BAZ1A: variants seen among roughly 807,000 people sequenced by gnomAD.
BAZ1A encodes bromodomain adjacent to zinc finger domain 1A.
A neutral mutation model predicts 185.2 loss-of-function variants in BAZ1A; 50 were observed. That is an observed-to-expected ratio of 0.27 (90% confidence interval 0.22 to 0.34). The LOEUF is 0.34. Among genes scored for constraint, BAZ1A ranks in the 10% least tolerant of loss-of-function variants. The pLI is 1.00. For missense variants in BAZ1A, 1,356 were observed against 1,839.9 expected, an observed-to-expected ratio of 0.74 and a Z score of 4.81; for synonymous variants, 571 against 615.6, an observed-to-expected ratio of 0.93 and a Z score of 1.07.
intron 20 of BAZ1A, 43 bp downstream of exon 20, chr14:34,773,529 G>A: frequency 2.2e-6 from 3 of 1,338,700 alleles, no homozygotes; most frequent in East Asian, 2.5e-5. Flanking sequence ...ACCTTAAAAT[G>A]GCAAGGAAAA....
At chr14:34,791,984 T>A (rs1223947267) in intron 12 of BAZ1A, among the ~76,000 whole-genome samples, 1 of 152,258 alleles carries the variant, frequency 6.6e-6, no homozygotes, top group African/African-American at 2.4e-5. Context: ...GCAAATTATC[T>A]AGTTCAAACT....
At chr14:34,873,209 A>C (rs1246940690) in intron 2 of BAZ1A, among the ~76,000 whole-genome samples, 3 of 152,232 alleles carry the variant, frequency 2.0e-5, no homozygotes, top group Non-Finnish European at 4.4e-5. Context: ...GTTTGCCCAA[A>C]ACCCTCCCTT....
Position 34,753,719 on chromosome 14 carries a change from A to G in BAZ1A, c.4475-15T>C, listed in dbSNP as rs1365833597. On this transcript the variant is annotated splice_polypyrimidine_tract_variant and intron_variant, in intron 26 of 26. Coordinates refer to ENST00000360310, the MANE Select transcript of BAZ1A (RefSeq NM_013448.3). ...AATAAACTCAGCTAGAAAGGGAAAG[A>G]GACAAAAAGATTAGAATGAAAGTAC... 1.3e-6 allele frequency: 2 copies of G among 1,538,144 alleles called. No individual in the cohort carries two copies. Among genetic ancestry groups the G allele is most frequent in the African/African-American group, 1.4e-5 (1 of 72,584 alleles).
In BAZ1A at chr14:34,753,183, ATC is replaced by A. The variant is rs771706929; in HGVS notation, c.*323_*324del. 7.3e-4 allele frequency: 152 copies of A among 208,348 alleles called. 1 individual carries two copies. Among genetic ancestry groups the A allele is most frequent in the African/African-American group, 3.8e-3 (138 of 36,098 alleles). The allele number at this position is 208,348 out of a possible 1,614,324, so 12.9% of individuals were successfully genotyped here. ...CTTAATACCACCACTTTAAAAAAAAATCATCAATAACAAAATAAATCGTGGGT... is the reference window on the plus strand; with the variant it reads ...CTTAATACCACCACTTTAAAAAAAAAATCAATAACAAAATAAATCGTGGGT... On this transcript the variant is annotated 3_prime_UTR_variant, in exon 27 of 27. Coordinates refer to ENST00000360310, the MANE Select transcript of BAZ1A (RefSeq NM_013448.3).
At chr14:34,835,050 G>A (rs1483417739) in intron 3 of BAZ1A, among the ~76,000 whole-genome samples, 5 of 150,276 alleles carry the variant, frequency 3.3e-5, no homozygotes, top group Non-Finnish European at 7.4e-5. Context: ...ATGAAATTCC[G>A]GCTCAGATTT....
chr14:34,839,373 C>A (rs997979429), intron 3 of BAZ1A, among the ~76,000 whole-genome samples: 1 of 151,026 alleles, frequency 6.6e-6, no homozygotes, highest in African/African-American at 2.4e-5. Flanking sequence ...AACTCTATGT[C>A]TACAAAAAAT....
At chr14:34,840,801 AACTTAT>A (rs1216636897) in intron 3 of BAZ1A, among the ~76,000 whole-genome samples, 3 of 149,940 alleles carry the variant, frequency 2.0e-5, no homozygotes, top group Non-Finnish European at 4.5e-5. Context: ...ACAAACAAAA[AACTTAT>A]ACTTATTACT....
chr14:34,820,121 C>CGTT (rs1566579280), intron 4 of BAZ1A, among the ~76,000 whole-genome samples: 1 of 93,978 alleles, frequency 1.1e-5, no homozygotes, highest in Non-Finnish European at 2.3e-5. Context: ...TTGGGTTCCT[C>CGTT]GTTTTTTTTT....
chr14:34,784,299 C>T (rs1349946111), intron 14 of BAZ1A, among the ~76,000 whole-genome samples: 10 of 125,078 alleles, frequency 8.0e-5, no homozygotes, highest in South Asian at 2.8e-4. Context: ...ACCCGGGAGG[C>T]GGAGGTTGCG....
intron 24 of BAZ1A, among the ~76,000 whole-genome samples, chr14:34,759,797 C>T (rs550442675): frequency 6.6e-5 from 10 of 152,128 alleles, no homozygotes; most frequent in Non-Finnish European, 1.5e-4. Context: ...GCCTCAGCCT[C>T]CCGAGTAGCT....
At chr14:34,798,847 C>T (rs1881349742) in intron 9 of BAZ1A, among the ~76,000 whole-genome samples, 1 of 152,092 alleles carries the variant, frequency 6.6e-6, no homozygotes, top group Admixed American at 6.5e-5. Context: ...GGATCTAGAA[C>T]CAGAAGTACC....
intron 2 of BAZ1A, among the ~76,000 whole-genome samples, chr14:34,872,967 C>A (rs2042976757): frequency 7.6e-6 from 1 of 130,958 alleles, no homozygotes; most frequent in African/African-American, 2.9e-5. Flanking sequence ...AATCCAAGTT[C>A]ACTTAACTAG....
intron 3 of BAZ1A, among the ~76,000 whole-genome samples, chr14:34,831,137 C>T (rs1410153851): frequency 1.3e-5 from 2 of 152,166 alleles, no homozygotes; most frequent in Non-Finnish European, 2.9e-5. Flanking sequence ...ACCATACCAT[C>T]AACAAATTTT....
intron 25 of BAZ1A, among the ~76,000 whole-genome samples, chr14:34,756,510 G>T (rs1886258539): frequency 8.1e-6 from 1 of 124,194 alleles, no homozygotes; most frequent in African/African-American, 3.2e-5. Context: ...GTCTTGCCTA[G>T]GCTGGGGTGC....
At chr14:34,797,430 G>A (rs1257793053) in intron 9 of BAZ1A, among the ~76,000 whole-genome samples, 6 of 152,142 alleles carry the variant, frequency 3.9e-5, no homozygotes, top group Admixed American at 1.3e-4. Flanking sequence ...GTGGTGGTGG[G>A]CACTTCTAGT....
At chr14:34,820,380 C>T (rs112471254) in intron 4 of BAZ1A, among the ~76,000 whole-genome samples, 1 of 152,074 alleles carries the variant, frequency 6.6e-6, no homozygotes, top group African/African-American at 2.4e-5. Context: ...AATCCACCCC[C>T]CTTGGCCTCC....
chr14:34,844,442 C>T (rs12590268), intron 3 of BAZ1A, among the ~76,000 whole-genome samples: 30,127 of 151,748 alleles, frequency 0.2, 3,534 homozygotes, highest in Non-Finnish European at 0.26. Flanking sequence ...AATGTCCATC[C>T]TACCCAAAAC....
At chr14:34,833,221 A>C (rs2042277385) in intron 3 of BAZ1A, among the ~76,000 whole-genome samples, 1 of 151,776 alleles carries the variant, frequency 6.6e-6, no homozygotes, top group Non-Finnish European at 1.5e-5. Context: ...TCAAAGAAAA[A>C]CAAACAAACA....
intron 3 of BAZ1A, among the ~76,000 whole-genome samples, chr14:34,860,971 G>A (rs1395930152): frequency 1.3e-5 from 2 of 152,110 alleles, no homozygotes; most frequent in South Asian, 2.1e-4. Context: ...AACACATTTG[G>A]TTGCTTGGCT....
Sources: allele counts gnomAD v4.1 joint callset (sites outside exome capture counted in the v4.1 genomes callset), GRCh38; gene constraint gnomAD v4.1.1; transcripts MANE v1.5; gene names NCBI Gene and HGNC (gene_info 2026-07-23, HGNC 2026-07-21).